BABAM2: variants seen among roughly 807,000 people sequenced by gnomAD.
BABAM2 encodes the protein BRISC and BRCA1 A complex member 2, also known as BRISC and BRCA1-A complex member 2.
Under a neutral mutation model 54.7 loss-of-function variants are expected in BABAM2, and 31 were observed. The ratio of observed to expected loss-of-function variants is 0.57; its 90% CI spans 0.43 to 0.77. The LOEUF (loss-of-function observed/expected upper bound fraction) is 0.77, where lower values mean the gene tolerates loss of function less well. Ranked by LOEUF, BABAM2 falls within the 30% of genes least tolerant of loss-of-function variation. BABAM2 has a pLI of 0.00. For synonymous variants in BABAM2, 167 were observed against 162.9 expected, an observed-to-expected ratio of 1.03 and a Z score of -0.19; for missense variants, 364 against 455.8, an observed-to-expected ratio of 0.80 and a Z score of 1.83.
chr2:28,298,601 T>G, intron 11 of BABAM2, 110 bp downstream of exon 11: 2 of 1,334,828 alleles, frequency 1.5e-6, no homozygotes, highest in East Asian at 2.4e-5. Context: ...CATGTTTTTG[T>G]AAATAAAGTT....
At chr2:28,266,428 C>T (rs990377679) in intron 10 of BABAM2, among the ~76,000 whole-genome samples, 1 of 152,236 alleles carries the variant, frequency 6.6e-6, no homozygotes, top group Non-Finnish European at 1.5e-5. Context: ...TTCAAAGGCT[C>T]AGCACCTGCA....
intron 11 of BABAM2, among the ~76,000 whole-genome samples, chr2:28,331,393 A>AT (rs1258293574): frequency 3.3e-5 from 5 of 151,762 alleles, no homozygotes; most frequent in Non-Finnish European, 5.9e-5. Context: ...AACCTACACA[A>AT]TGGGAGAAAA....
intron 4 of BABAM2, among the ~76,000 whole-genome samples, chr2:28,007,950 G>A (rs1674091714): frequency 6.6e-6 from 1 of 152,056 alleles, no homozygotes; most frequent in Non-Finnish European, 1.5e-5. Context: ...CCTGGAAAAT[G>A]TTTTGGATCC....
intron 7 of BABAM2, among the ~76,000 whole-genome samples, chr2:28,173,415 G>A (rs544036730): frequency 1.9e-4 from 29 of 152,174 alleles, no homozygotes; most frequent in Non-Finnish European, 3.5e-4. Flanking sequence ...CTGCCAGTTC[G>A]TCCCCCATAT....
chr2:28,042,765 A>G (rs1677203273), intron 5 of BABAM2, among the ~76,000 whole-genome samples: 1 of 152,152 alleles, frequency 6.6e-6, no homozygotes, highest in African/African-American at 2.4e-5. Context: ...GAATGGAAAC[A>G]TTTTAAAAAT....
intron 7 of BABAM2, among the ~76,000 whole-genome samples, chr2:28,202,052 T>C (rs548056991): frequency 3.3e-5 from 5 of 152,258 alleles, no homozygotes. Flanking sequence ...AGTTAAAAGC[T>C]TTTAGAACTG....
chr2:28,122,818 G>A (rs1172577469), intron 6 of BABAM2, among the ~76,000 whole-genome samples: 2 of 151,858 alleles, frequency 1.3e-5, no homozygotes, highest in African/African-American at 2.4e-5. Context: ...TTTGCAAAGA[G>A]CCTCAATTGA....
intron 3 of BABAM2, among the ~76,000 whole-genome samples, chr2:27,970,071 ATTC>A (rs924223591): frequency 6.6e-6 from 1 of 152,012 alleles, no homozygotes; most frequent in African/African-American, 2.4e-5. Flanking sequence ...AATCCTTTTT[ATTC>A]TTTAATTTTT....
chr2:28,159,296 A>G (rs963237723), intron 7 of BABAM2, among the ~76,000 whole-genome samples: 2 of 152,220 alleles, frequency 1.3e-5, no homozygotes, highest in Non-Finnish European at 2.9e-5. Context: ...AGTCAGGCAC[A>G]GAAGTAACTA....
chr2:28,148,972 G>A (rs1433299945), intron 7 of BABAM2, among the ~76,000 whole-genome samples: 2 of 152,138 alleles, frequency 1.3e-5, no homozygotes, highest in African/African-American at 4.8e-5. Flanking sequence ...CTCAAACTGG[G>A]TGTGGGGCTT....
chr2:27,945,116 T>C (rs1383172440), intron 3 of BABAM2, among the ~76,000 whole-genome samples: 1 of 152,032 alleles, frequency 6.6e-6, no homozygotes, highest in Non-Finnish European at 1.5e-5. Flanking sequence ...CCTCCTGGGC[T>C]CAAGCAACCC....
At chr2:28,102,330 G>C (rs1199070352) in intron 6 of BABAM2, among the ~76,000 whole-genome samples, 1 of 152,104 alleles carries the variant, frequency 6.6e-6, no homozygotes, top group Non-Finnish European at 1.5e-5. Context: ...AAAATCCTTG[G>C]TTACTCCACT....
At chr2:28,014,372 C>CT (rs1181661248) in intron 4 of BABAM2, among the ~76,000 whole-genome samples, 6 of 152,210 alleles carry the variant, frequency 3.9e-5, no homozygotes, top group Non-Finnish European at 7.3e-5. Flanking sequence ...TCTGTTCAGA[C>CT]TAATTCTGGC....
chr2:28,195,767 C>G (rs532882513), intron 7 of BABAM2, among the ~76,000 whole-genome samples: 1 of 152,234 alleles, frequency 6.6e-6, no homozygotes, highest in Admixed American at 6.5e-5. Flanking sequence ...AATGAGAGTG[C>G]CAAGTTGGAC....
intron 11 of BABAM2, among the ~76,000 whole-genome samples, chr2:28,323,633 A>G (rs896548413): frequency 1.3e-5 from 2 of 152,206 alleles, no homozygotes; most frequent in African/African-American, 4.8e-5. Context: ...TCACAGCTAA[A>G]GCTCCCGTGC....
intron 4 of BABAM2, chr2:28,016,082 T>C: frequency 1.2e-6 from 1 of 802,948 alleles, no homozygotes; most frequent in South Asian, 1.4e-5. Context: ...TGTGAACGGT[T>C]CTTTTTCTTT....
chr2:28,060,788 T>C (rs935151650), intron 6 of BABAM2, among the ~76,000 whole-genome samples: 2 of 152,182 alleles, frequency 1.3e-5, no homozygotes, highest in Non-Finnish European at 2.9e-5. Context: ...TATGAAAGAC[T>C]TTTATCCTGA....
chr2:28,153,977 C>T (rs1327726155), intron 7 of BABAM2, among the ~76,000 whole-genome samples: 3 of 152,104 alleles, frequency 2.0e-5, no homozygotes, highest in Non-Finnish European at 4.4e-5. Flanking sequence ...CAGAGTTGCA[C>T]AGAAAGTTGG....
At chr2:27,893,733 C>A (rs563341803) in intron 1 of BABAM2, among the ~76,000 whole-genome samples, 52 of 152,166 alleles carry the variant, frequency 3.4e-4, no homozygotes, top group Admixed American at 9.8e-4. Context: ...CGGTGGCTCA[C>A]GCCTGTAATC....
Sources: gnomAD v4.1 joint callset for allele counts (sites outside exome capture counted in the v4.1 genomes callset) on GRCh38, gnomAD v4.1.1 for gene constraint, MANE v1.5 for transcripts, NCBI Gene and HGNC (gene_info 2026-07-23, HGNC 2026-07-21) for gene names.